PLXNC1: variants seen among roughly 807,000 people sequenced by gnomAD.
The protein encoded by PLXNC1 is plexin-C1.
In PLXNC1, 75 loss-of-function variants were observed where a neutral mutation model predicts 178.2. The observed-to-expected ratio is 0.42, with a 90% CI of 0.35 to 0.51. PLXNC1 has a LOEUF of 0.51. PLXNC1 is among the 20% of genes least tolerant of loss of function. The pLI is 0.02. For synonymous variants in PLXNC1, 790 were observed against 779.9 expected (o/e 1.01, Z -0.22); for missense variants, 1,503 against 1,984.4 (o/e 0.76, Z 4.61).
In PLXNC1 at chr12:94,224,321, A is replaced by G. The variant is rs1426386339; in HGVS notation, c.1790+6A>G. 3 of 1,384,682 alleles carry G rather than the reference A, an allele frequency of 2.2e-6. No individual in the cohort carries two copies. The highest frequency in any genetic ancestry group is 3.1e-6 in the Non-Finnish European group (3 of 971,126). The allele number at this position is 1,384,682 out of a possible 1,614,324, so 85.8% of individuals were successfully genotyped here. A position where few individuals can be genotyped will look rare whatever the true frequency, so the allele number is the denominator to read the frequency against. ...AACTGCTCATCATTAAAAGAGTAAGATTTTATTTGAAATTTGAATATTCTC... is the reference window on the plus strand; with the variant it reads ...AACTGCTCATCATTAAAAGAGTAAGGTTTTATTTGAAATTTGAATATTCTC... On this transcript the variant is annotated splice_donor_region_variant and intron_variant, in intron 7 of 30. Coordinates refer to ENST00000258526, the MANE Select transcript of PLXNC1 (RefSeq NM_005761.3).
At position 94,276,518 on chromosome 12, in the gene PLXNC1, C is replaced by T. The variant is rs555535614; in HGVS notation, c.3598-2954C>T. ...GGTGGTAAAGCGGGGATGGCATAGC[C>T]GAGGGGTTTGTGGCACCAATTGTGC... On this transcript the variant is annotated intron_variant, in intron 21 of 30. Coordinates refer to ENST00000258526, the MANE Select transcript of PLXNC1 (RefSeq NM_005761.3). Among the ~76,000 whole-genome samples the T allele has an allele frequency of 2.6e-5, 4 of 152,264 alleles. No individual in the cohort carries two copies. In the East Asian group the frequency reaches 5.8e-4, roughly 22 times the overall value.
intron 4 of PLXNC1, 108 bp downstream of exon 4, chr12:94,186,581 G>T: frequency 1.4e-6 from 1 of 707,186 alleles, no homozygotes. Flanking sequence ...TGAGGGAACT[G>T]ATCTCTTCCT....
rs894099358 is a variant in PLXNC1, at chr12:94,165,728, C to T, written c.1063-3425C>T. ...AAAATGTTTAAAAGTTGAAGGTCTG[C>T]GGCTCAGTGGTGTCTCCAGGAACAT... is the stretch of plus-strand genomic sequence containing the variant. On this transcript the variant is annotated intron_variant, in intron 1 of 30. Coordinates refer to ENST00000258526, the MANE Select transcript of PLXNC1 (RefSeq NM_005761.3). 5.3e-5 allele frequency among the ~76,000 whole-genome samples: 8 copies of T among 152,064 alleles called. 1 individual carries two copies. The highest frequency in any genetic ancestry group is 1.9e-4 in the East Asian group (1 of 5,198).
intron 17 of PLXNC1, among the ~76,000 whole-genome samples, chr12:94,259,077 T>C (rs1964928655): frequency 6.6e-6 from 1 of 152,240 alleles, no homozygotes; most frequent in Non-Finnish European, 1.5e-5. Context: ...CGTGGGATGA[T>C]ACCTTCATCT....
chr12:94,238,778 A>G (rs1007897607), intron 10 of PLXNC1, among the ~76,000 whole-genome samples: 5 of 152,186 alleles, frequency 3.3e-5, no homozygotes, highest in African/African-American at 1.2e-4. Flanking sequence ...CATCACTGCC[A>G]TGCCCTTCCC....
In PLXNC1 at chr12:94,251,455, C is replaced by T. The variant is rs777078388; in HGVS notation, c.2808C>T (p.Val936=). ...RVKLGNLELY[V]EQESVPSTWY... ...AGCTGGGAAACCTGGAGCTCTACGT[C>T]GAGCAGGAGTCAGTTCCTTCCACAT... The change falls in exon 15 of 31, where the codon GTC becomes GTT. Residue 936 remains valine, a synonymous_variant. Coordinates refer to ENST00000258526, the MANE Select transcript of PLXNC1 (RefSeq NM_005761.3). The T allele has an allele frequency of 2.9e-5, 46 of 1,612,710 alleles. 1 individual carries two copies. The South Asian group carries it at 3.3e-4, about 12-fold the overall frequency.
In PLXNC1 at chr12:94,297,093, ATACAGCACAAATGGG is replaced by A. The variant is rs1442391071; in HGVS notation, c.3935-95_3935-81del. ...GTCAAAAAGCTCAAGTAACTTCAGT[ATACAGCACAAATGGG>A]GCCTTTTAAGAGAAGGCCGATTAGC... On this transcript the variant is annotated intron_variant, in intron 24 of 30. Coordinates refer to ENST00000258526, the MANE Select transcript of PLXNC1 (RefSeq NM_005761.3). 2.5e-6 allele frequency: 3 copies of A among 1,193,356 alleles called. No homozygotes were observed. The Admixed American group carries it at 5.2e-5, about 21-fold the overall frequency. The allele number at this position is 1,193,356 out of a possible 1,614,324, so 73.9% of individuals were successfully genotyped here. A position where few individuals can be genotyped will look rare whatever the true frequency, so the allele number is the denominator to read the frequency against.
chr12:94,155,982 G>T (rs1412955221), intron 1 of PLXNC1, among the ~76,000 whole-genome samples: 2 of 152,192 alleles, frequency 1.3e-5, no homozygotes, highest in Non-Finnish European at 2.9e-5. Flanking sequence ...GCAATGCTGT[G>T]TTATGGTTAT....
At chr12:94,242,750 G>A (rs933536692) in intron 11 of PLXNC1, among the ~76,000 whole-genome samples, 3 of 152,138 alleles carry the variant, frequency 2.0e-5, no homozygotes, top group Admixed American at 6.5e-5. Context: ...CATGCCCCAT[G>A]TGCCTGGTGT....
chr12:94,212,310 CAG>C (rs1963499404), intron 5 of PLXNC1, among the ~76,000 whole-genome samples: 1 of 147,554 alleles, frequency 6.8e-6, no homozygotes, highest in African/African-American at 2.5e-5. Flanking sequence ...AGAAAAGACA[CAG>C]AAATAAAATT....
At chr12:94,271,442 C>A (rs897028633) in intron 21 of PLXNC1, among the ~76,000 whole-genome samples, 2 of 152,180 alleles carry the variant, frequency 1.3e-5, no homozygotes, top group Non-Finnish European at 1.5e-5. Context: ...TCCTCAATAC[C>A]CAAAACCACC....
intron 9 of PLXNC1, 129 bp from the exon 10 acceptor site, chr12:94,237,535 T>G (rs1192999657): frequency 5.8e-6 from 4 of 692,572 alleles, no homozygotes; most frequent in Non-Finnish European, 7.3e-6. Context: ...TTAAACACTG[T>G]CTGCTTGTGT....
chr12:94,168,711 G>A (rs1412524896), intron 1 of PLXNC1, among the ~76,000 whole-genome samples: 3 of 152,148 alleles, frequency 2.0e-5, no homozygotes, highest in Admixed American at 6.5e-5. Flanking sequence ...CAACAGGATC[G>A]TCCGTGTCAC....
intron 23 of PLXNC1, among the ~76,000 whole-genome samples, chr12:94,287,811 T>A (rs1966871056): frequency 6.6e-6 from 1 of 152,254 alleles, no homozygotes; most frequent in South Asian, 2.1e-4. Context: ...TGTCTTTAGA[T>A]ATTCATTTAA....
rs149568215 is a variant in PLXNC1 at position 94,289,078 on chromosome 12, A to G, written c.3880-5408A>G. ...AAGTGGTAGTTTCATAAGGTTAAAC[A>G]TAAGTTCAACCTTACATTTCTAGAA... On this transcript the variant is annotated intron_variant, in intron 23 of 30. Transcript: ENST00000258526. 4.5e-4 allele frequency among the ~76,000 whole-genome samples: 69 copies of G among 152,374 alleles called. No homozygotes were observed. In the East Asian group the frequency reaches 5.2e-3, roughly 11 times the overall value.
At chr12:94,194,005 G>T (rs1962822284) in intron 4 of PLXNC1, among the ~76,000 whole-genome samples, 1 of 152,152 alleles carries the variant, frequency 6.6e-6, no homozygotes, top group East Asian at 1.9e-4. Flanking sequence ...TTGGCTCATG[G>T]TTCTGCTGGC....
At chr12:94,277,693 C>T (rs753691931) in intron 21 of PLXNC1, 2 of 333,100 alleles carry the variant, frequency 6.0e-6, no homozygotes, top group Non-Finnish European at 1.2e-5. Context: ...ATGGAGTGGG[C>T]GTCCTAGCTG....
rs1444133627 is a variant in PLXNC1 at position 94,149,726 on chromosome 12, A to G, written c.755A>G (p.Asn252Ser). ...ATCTACTTCCCCTACTACCCCTACA[A>G]CTACACGAGCGGCGCTGCCACCGGC... ...GSIYFPYYPY[N>S]YTSGAATGWP... The change falls in exon 1 of 31, where the codon AAC becomes AGC. Residue 252 changes from asparagine (N) to serine (S), a missense_variant. Asn to Ser is a conservative substitution (Grantham distance 46). Transcript: ENST00000258526. 6.2e-7 allele frequency: 1 copy of G among 1,611,734 alleles called. No homozygotes were observed. Among genetic ancestry groups the G allele is most frequent in the Admixed American group, 1.7e-5 (1 of 59,894 alleles).
At chr12:94,275,819 C>T (rs1275947740) in intron 21 of PLXNC1, among the ~76,000 whole-genome samples, 3 of 131,214 alleles carry the variant, frequency 2.3e-5, no homozygotes, top group African/African-American at 8.7e-5. Context: ...CCCGCCACTG[C>T]ACTCCAGCCT....
Sources: allele counts gnomAD v4.1 joint callset (sites outside exome capture counted in the v4.1 genomes callset), GRCh38; gene constraint gnomAD v4.1.1; transcripts MANE v1.5; gene names NCBI Gene and HGNC (gene_info 2026-07-23, HGNC 2026-07-21).